NAMPT: variants seen among roughly 807,000 people sequenced by gnomAD.
The protein encoded by NAMPT is nicotinamide phosphoribosyltransferase.
Under a neutral mutation model 58.7 loss-of-function variants are expected in NAMPT, and 7 were observed. That is an observed-to-expected ratio of 0.12 (90% CI 0.07 to 0.22). The LOEUF (loss-of-function observed/expected upper bound fraction) is 0.22. Among genes scored for constraint, NAMPT ranks in the 10% least tolerant of loss-of-function variants. The probability of loss-of-function intolerance (pLI) is 1.00; values close to 1 mark genes in which losing one functional copy is unlikely to be tolerated. For missense variants in NAMPT, 271 were observed against 567.9 expected, an observed-to-expected ratio of 0.48 and a Z score of 5.31; for synonymous variants, 145 against 198.1, an observed-to-expected ratio of 0.73 and a Z score of 2.25.
intron 9 of NAMPT, chr7:106,253,582 C>G (rs937173007): frequency 6.2e-6 from 1 of 161,628 alleles, no homozygotes; most frequent in Non-Finnish European, 1.4e-5. Flanking sequence ...AAGAGTATTA[C>G]TAAGGTAAAG....
chr7:106,256,024 T>A (rs1194194860), intron 8 of NAMPT, among the ~76,000 whole-genome samples: 1 of 152,180 alleles, frequency 6.6e-6, no homozygotes, highest in African/African-American at 2.4e-5. Flanking sequence ...GTTTTAAAAT[T>A]TAGACAATTT....
Position 106,284,909 on chromosome 7 carries a change from G to T in NAMPT, c.-25C>A. 1 of 1,573,814 alleles carries T rather than the reference G, an allele frequency of 6.4e-7. No individual in the cohort carries two copies. The highest frequency in any genetic ancestry group is 8.6e-7 in the Non-Finnish European group (1 of 1,158,722). Reference sequence around the variant, plus strand: ...TCTCGGGCCGGAGGACAGGGGCCGCGCGCCGCGAGCTCCCTGGCGCGGCTG... The same window carrying T: ...TCTCGGGCCGGAGGACAGGGGCCGCTCGCCGCGAGCTCCCTGGCGCGGCTG... On this transcript the variant is annotated 5_prime_UTR_variant, in exon 1 of 11. Coordinates refer to ENST00000222553, the MANE Select transcript of NAMPT (RefSeq NM_005746.3).
intron 6 of NAMPT, among the ~76,000 whole-genome samples, chr7:106,267,885 TTTAC>T (rs996007349): frequency 1.0e-5 from 1 of 100,456 alleles, no homozygotes; most frequent in Non-Finnish European, 2.3e-5. Context: ...AACAACCTGA[TTTAC>T]TTTTAATAAA....
intron 8 of NAMPT, among the ~76,000 whole-genome samples, chr7:106,257,030 G>T (rs1200795128): frequency 1.3e-5 from 2 of 152,016 alleles, no homozygotes; most frequent in Non-Finnish European, 2.9e-5. Flanking sequence ...CCAAAAAGTA[G>T]CCGGGCGTGG....
At chr7:106,257,775 G>C (rs1280634688) in intron 8 of NAMPT, among the ~76,000 whole-genome samples, 2 of 152,206 alleles carry the variant, frequency 1.3e-5, no homozygotes, top group Non-Finnish European at 2.9e-5. Context: ...CAACTTGCCT[G>C]AACAATCCAA....
intron 3 of NAMPT, among the ~76,000 whole-genome samples, chr7:106,274,331 GTTAT>G (rs901786285): frequency 3.0e-4 from 45 of 151,958 alleles, no homozygotes; most frequent in African/African-American, 1.0e-3. Context: ...TCTCAAAAAT[GTTAT>G]TTAAGTTATA....
chr7:106,280,842 G>T (rs1422008575), intron 1 of NAMPT, among the ~76,000 whole-genome samples: 5 of 151,926 alleles, frequency 3.3e-5, no homozygotes, highest in Non-Finnish European at 5.9e-5. Context: ...TCAGGAGACT[G>T]AGGCAAGAGA....
chr7:106,272,605 G>C lies in NAMPT; in HGVS notation c.372C>G (p.Val124=), dbSNP rs764187489. ...TGAAGAGAACATTTCCTCTGGGAAT[G>C]ACAAAGCCCTCAGGAACAGCTTTTA... The part of the protein sequence containing the change: ...IEIKAVPEGF[V]IPRGNVLFTV... The change falls in exon 4 of 11, where the codon GTC becomes GTG. Residue 124 remains valine (V), a synonymous_variant. Coordinates refer to ENST00000222553, the MANE Select transcript of NAMPT (RefSeq NM_005746.3). 1.2e-5 allele frequency: 19 copies of C among 1,613,026 alleles called. No individual in the cohort carries two copies. In the Admixed American group the frequency reaches 3.2e-4, roughly 27 times the overall value.
chr7:106,271,843 C>T (rs1174824700), intron 4 of NAMPT: 1 of 155,542 alleles, frequency 6.4e-6, no homozygotes, highest in Non-Finnish European at 1.5e-5. Context: ...TCTATAGTAA[C>T]TTTCGAGGGT....
chr7:106,255,378 GCTGA>G (rs1327487769), intron 8 of NAMPT, among the ~76,000 whole-genome samples: 1 of 152,160 alleles, frequency 6.6e-6, no homozygotes, highest in African/African-American at 2.4e-5. Flanking sequence ...AACTGGAAAG[GCTGA>G]CTCTGTTTTA....
At chr7:106,265,575 A>T (rs936850148) in intron 6 of NAMPT, among the ~76,000 whole-genome samples, 1 of 151,502 alleles carries the variant, frequency 6.6e-6, no homozygotes, top group East Asian at 1.9e-4. Flanking sequence ...CTTAAAAAAA[A>T]AAAAAAAAAA....
chr7:106,252,980 C>A (rs1170157541), intron 10 of NAMPT, 37 bp downstream of exon 10: 1 of 1,599,714 alleles, frequency 6.3e-7, no homozygotes, highest in African/African-American at 1.3e-5. Flanking sequence ...AGCCAACCTA[C>A]TATTGCTTAA....
intron 7 of NAMPT, among the ~76,000 whole-genome samples, chr7:106,262,126 A>C (rs1444020574): frequency 6.6e-6 from 1 of 152,096 alleles, no homozygotes; most frequent in Non-Finnish European, 1.5e-5. Context: ...TTTGTCTGAT[A>C]TATAACTCCA....
intron 2 of NAMPT, chr7:106,276,745 G>C (rs1032569512): frequency 5.7e-5 from 18 of 317,360 alleles, no homozygotes; most frequent in African/African-American, 3.9e-4. Context: ...GGGAGGCAGA[G>C]GCAGGAGAAT....
chr7:106,249,356 C>A lies in NAMPT; in HGVS notation c.*1727G>T, dbSNP rs970335192. The A allele has an allele frequency of 6.6e-6, 1 of 152,444 alleles. No individual in the cohort carries two copies. Among genetic ancestry groups the A allele is most frequent in the Non-Finnish European group, 1.5e-5 (1 of 67,952 alleles). 9.4% of individuals were successfully genotyped at this position (152,444 alleles called of 1,614,324 possible). On this transcript the variant is annotated 3_prime_UTR_variant, in exon 11 of 11. Transcript: ENST00000222553. ...CTTCTAATTAGGTTATTCTAGTGAT[C>A]ATTTTCTCATGTAACTATTTAAAAC...
Position 106,284,862 on chromosome 7 carries a change from T to A in NAMPT, c.23A>T (p.Glu8Val). MNPAAEA[E>V]FNILLATDSY... ...GTCGGTGGCCAGGAGGATGTTGAAC[T>A]CGGCTTCTGCCGCAGGATTCATCTC... The change falls in exon 1 of 11, where the codon GAG (glutamate) becomes GTG (valine). Residue 8 changes from glutamate to valine, a missense_variant. Transcript: ENST00000222553. 1 of 1,577,122 alleles carries A rather than the reference T, an allele frequency of 6.3e-7. No homozygotes were observed. The highest frequency in any genetic ancestry group is 8.6e-7 in the Non-Finnish European group (1 of 1,160,462).
intron 9 of NAMPT, among the ~76,000 whole-genome samples, chr7:106,253,949 T>C (rs1329415198): frequency 1.3e-5 from 2 of 152,170 alleles, no homozygotes; most frequent in Non-Finnish European, 1.5e-5. Flanking sequence ...TACTAGAACA[T>C]GACTGTGGTA....
At chr7:106,277,782 TA>T (rs1554353748) in intron 1 of NAMPT, among the ~76,000 whole-genome samples, 1 of 152,218 alleles carries the variant, frequency 6.6e-6, no homozygotes, top group African/African-American at 2.4e-5. Context: ...AATAAATTCT[TA>T]AACATCAAAT....
At chr7:106,273,792 T>C (rs943514668) in intron 3 of NAMPT, among the ~76,000 whole-genome samples, 2 of 152,232 alleles carry the variant, frequency 1.3e-5, no homozygotes, top group South Asian at 2.1e-4. Flanking sequence ...TTATTTAAGA[T>C]ACAGGAAAAG....
Sources: gnomAD v4.1 joint callset for allele counts (sites outside exome capture counted in the v4.1 genomes callset) on GRCh38, gnomAD v4.1.1 for gene constraint, MANE v1.5 for transcripts, NCBI Gene and HGNC (gene_info 2026-07-23, HGNC 2026-07-21) for gene names.